The following EXOC4 variants were observed in gnomAD, a reference collection of about 807,000 sequenced individuals.
EXOC4 encodes exocyst complex component 4, also known as SEC8-like 1.
EXOC4 carries 71 observed loss-of-function variants against 107.2 expected under a neutral mutation model. The ratio of observed to expected loss-of-function variants is 0.66; its 90% CI spans 0.55 to 0.81. The LOEUF (loss-of-function observed/expected upper bound fraction) is 0.81, where lower values mean the gene tolerates loss of function less well. Ranked by LOEUF, EXOC4 falls within the 30% of genes least tolerant of loss-of-function variation. EXOC4 has a pLI of 0.00. For synonymous variants in EXOC4, 456 were observed against 441.2 expected (o/e 1.03, Z -0.42); for missense variants, 1,108 against 1,189.6 (o/e 0.93, Z 1.01).
At chr7:133,613,251 A>C (rs914506439) in intron 9 of EXOC4, among the ~76,000 whole-genome samples, 1 of 152,200 alleles carries the variant, frequency 6.6e-6, no homozygotes, top group Non-Finnish European at 1.5e-5. Flanking sequence ...GTAGAAAGAA[A>C]TGTAAAGAAA....
intron 9 of EXOC4, among the ~76,000 whole-genome samples, chr7:133,599,580 G>C (rs987091313): frequency 6.6e-6 from 1 of 152,144 alleles, no homozygotes; most frequent in Non-Finnish European, 1.5e-5. Context: ...CCTCTTTGAT[G>C]ACAGTTACCA....
intron 10 of EXOC4, among the ~76,000 whole-genome samples, chr7:133,812,430 G>A (rs976913784): frequency 2.6e-5 from 4 of 152,024 alleles, no homozygotes; most frequent in African/African-American, 9.7e-5. Flanking sequence ...TCCAAACTCT[G>A]GAAGCCCTAC....
intron 9 of EXOC4, among the ~76,000 whole-genome samples, chr7:133,520,262 C>A (rs1384509510): frequency 6.6e-6 from 1 of 152,110 alleles, no homozygotes; most frequent in African/African-American, 2.4e-5. Flanking sequence ...TATTCCTGTT[C>A]TTGCCACAAT....
intron 11 of EXOC4, among the ~76,000 whole-genome samples, chr7:133,826,063 G>T (rs1797695563): frequency 6.6e-6 from 1 of 152,044 alleles, no homozygotes; most frequent in East Asian, 1.9e-4. Flanking sequence ...TTCATGTCAA[G>T]AATAATGACT....
At chr7:133,448,176 C>G (rs1272843221) in intron 7 of EXOC4, among the ~76,000 whole-genome samples, 1 of 152,214 alleles carries the variant, frequency 6.6e-6, no homozygotes. Context: ...TGCCCTTGGG[C>G]TGTGGAGTGT....
At chr7:133,517,895 A>G (rs1250413426) in intron 9 of EXOC4, among the ~76,000 whole-genome samples, 1 of 152,138 alleles carries the variant, frequency 6.6e-6, no homozygotes, top group Non-Finnish European at 1.5e-5. Flanking sequence ...TTACTACGTG[A>G]TGAATCACCC....
At chr7:133,875,110 C>A (rs986540433) in intron 11 of EXOC4, among the ~76,000 whole-genome samples, 2 of 152,168 alleles carry the variant, frequency 1.3e-5, no homozygotes, top group Non-Finnish European at 2.9e-5. Context: ...CTGGTGGCAG[C>A]TTGATATTCT....
At chr7:133,638,359 C>A (rs1802764167) in intron 10 of EXOC4, among the ~76,000 whole-genome samples, 1 of 152,184 alleles carries the variant, frequency 6.6e-6, no homozygotes, top group African/African-American at 2.4e-5. Context: ...CTTTAAATCT[C>A]TGATTGTAAG....
intron 5 of EXOC4, among the ~76,000 whole-genome samples, chr7:133,340,776 C>G (rs1218007825): frequency 6.6e-6 from 1 of 151,958 alleles, no homozygotes; most frequent in Non-Finnish European, 1.5e-5. Context: ...TTTCCAGGAA[C>G]TTATCCATCT....
chr7:133,887,072 T>C (rs1799100871), intron 11 of EXOC4, among the ~76,000 whole-genome samples: 1 of 152,184 alleles, frequency 6.6e-6, no homozygotes, highest in African/African-American at 2.4e-5. Flanking sequence ...AATTAAACCA[T>C]GGCATTCTAA....
At chr7:133,418,893 A>T (rs1009199099) in intron 7 of EXOC4, among the ~76,000 whole-genome samples, 3 of 152,212 alleles carry the variant, frequency 2.0e-5, no homozygotes, top group Middle Eastern at 3.2e-3. Context: ...AGCTTTCAGA[A>T]TTTAAATTAA....
At chr7:133,853,582 A>T (rs1042363989) in intron 11 of EXOC4, among the ~76,000 whole-genome samples, 2 of 152,100 alleles carry the variant, frequency 1.3e-5, no homozygotes, top group African/African-American at 4.8e-5. Flanking sequence ...CGCCACCTCT[A>T]TCTATTTTAT....
chr7:133,808,448 G>T (rs142337421), intron 10 of EXOC4, among the ~76,000 whole-genome samples: 3 of 152,232 alleles, frequency 2.0e-5, no homozygotes, highest in African/African-American at 7.2e-5. Flanking sequence ...GATAATACTA[G>T]TGAGTTGAAT....
At chr7:133,434,648 AT>A (rs1797927086) in intron 7 of EXOC4, among the ~76,000 whole-genome samples, 1 of 152,168 alleles carries the variant, frequency 6.6e-6, no homozygotes, top group African/African-American at 2.4e-5. Flanking sequence ...TGCAGAAAAA[AT>A]CGGAAACCAA....
chr7:133,386,192 C>T (rs1796722458), intron 7 of EXOC4, among the ~76,000 whole-genome samples: 1 of 152,152 alleles, frequency 6.6e-6, no homozygotes, highest in African/African-American at 2.4e-5. Context: ...CTTTGCATTA[C>T]CCTATACAGT....
chr7:133,291,594 G>A (rs1794407462), intron 3 of EXOC4, among the ~76,000 whole-genome samples: 1 of 151,828 alleles, frequency 6.6e-6, no homozygotes, highest in Non-Finnish European at 1.5e-5. Flanking sequence ...GTTGGGTCAG[G>A]CTGGTCTGGA....
chr7:134,065,844 AG>A (rs1796167793), downstream of EXOC4: 1 of 152,230 alleles, frequency 6.6e-6, no homozygotes, highest in Non-Finnish European at 1.5e-5. Context: ...ACCACACACA[AG>A]GGCAAATGGA....
intron 9 of EXOC4, among the ~76,000 whole-genome samples, chr7:133,596,659 C>G (rs1468977266): frequency 1.3e-5 from 2 of 152,138 alleles, no homozygotes; most frequent in Non-Finnish European, 2.9e-5. Context: ...ATTTCCCTGC[C>G]AATATCATGG....
chr7:133,599,946 G>C, intron 9 of EXOC4, among the ~76,000 whole-genome samples: 1 of 138,390 alleles, frequency 7.2e-6, no homozygotes, highest in Admixed American at 7.8e-5. Context: ...TGTCTCCCAG[G>C]CTGGAGTACA....
Sources: allele counts gnomAD v4.1 joint callset (sites outside exome capture counted in the v4.1 genomes callset), GRCh38; gene constraint gnomAD v4.1.1; transcripts MANE v1.5; gene names NCBI Gene and HGNC (gene_info 2026-07-23, HGNC 2026-07-21).